Variants in RAPGEF2 observed in about 807,000 individuals in gnomAD.
RAPGEF2 encodes PDZ domain containing guanine nucleotide exchange factor (GEF) 1.
RAPGEF2 carries 54 observed loss-of-function variants against 186.7 expected under a neutral mutation model. The ratio of observed to expected loss-of-function variants is 0.29; its 90% CI spans 0.23 to 0.36. RAPGEF2 has a LOEUF of 0.36. RAPGEF2 is among the 10% of genes least tolerant of loss of function. RAPGEF2 has a pLI of 1.00. For missense variants in RAPGEF2, 1,532 were observed against 2,045.0 expected (o/e 0.75, Z 4.84); for synonymous variants, 712 against 705.9 (o/e 1.01, Z -0.14).
At chr4:159,118,207 T>G (rs1739261911) in intron 1 of RAPGEF2, among the ~76,000 whole-genome samples, 1 of 152,158 alleles carries the variant, frequency 6.6e-6, no homozygotes, top group African/African-American at 2.4e-5. Context: ...CTGCCTGAGC[T>G]CCGCCTCCTG....
chr4:159,208,307 A>G (rs181505336), intron 3 of RAPGEF2, among the ~76,000 whole-genome samples: 328 of 152,368 alleles, frequency 2.2e-3, no homozygotes, highest in African/African-American at 7.6e-3. Context: ...AAACCAAACA[A>G]AACAAGGACT....
At position 159,352,824 on chromosome 4, in the gene RAPGEF2, G is replaced by T. The variant is rs1233103297; in HGVS notation, c.4005G>T (p.Arg1335Ser). ...CACTGCACGATGAGAGGCGCCAGAG[G>T]CATTCTGTCAGCATCGTGGAAACAA... ...PVSLHDERRQ[R>S]HSVSIVETNL... The change falls in exon 27 of 30, where the codon AGG (arginine) becomes AGT (serine). Residue 1335 changes from arginine to serine, a missense_variant. This residue lies in a region of RAPGEF2 where 594 missense variants were observed against 608.5 expected (regional missense o/e 0.98). Coordinates refer to ENST00000691494, the MANE Select transcript of RAPGEF2 (RefSeq NM_001394067.2). 1 of 1,614,192 alleles carries T rather than the reference G, an allele frequency of 6.2e-7. No individual in the cohort carries two copies. The highest frequency in any genetic ancestry group is 8.5e-7 in the Non-Finnish European group (1 of 1,180,022).
At chr4:159,304,530 A>G in intron 8 of RAPGEF2, 57 bp downstream of exon 8, 5 of 1,504,986 alleles carry the variant, frequency 3.3e-6, no homozygotes, top group Non-Finnish European at 4.6e-6. Context: ...AAGAAATTTT[A>G]AGGTTCTCAG....
In RAPGEF2 at chr4:159,104,142, C is replaced by G. The variant is rs920760539; in HGVS notation, c.-21C>G. ...GGCCGGCCAGGGTGCGGAGCGGCCC[C>G]GGCCCGCTCCCAGAGGGGAGATGGC... is the stretch of plus-strand genomic sequence containing the variant. On this transcript the variant is annotated 5_prime_UTR_variant, in exon 1 of 30. Coordinates refer to ENST00000691494, the MANE Select transcript of RAPGEF2 (RefSeq NM_001394067.2). 3 of 1,507,702 alleles carry G rather than the reference C, an allele frequency of 2.0e-6. No homozygotes were observed. The highest frequency in any genetic ancestry group is 2.0e-5 in the Admixed American group (1 of 49,372). 93.4% of individuals were successfully genotyped at this position (1,507,702 alleles called of 1,614,324 possible). A position where few individuals can be genotyped will look rare whatever the true frequency, so the allele number is the denominator to read the frequency against.
intron 1 of RAPGEF2, among the ~76,000 whole-genome samples, chr4:159,108,976 C>G (rs1172274989): frequency 6.6e-6 from 1 of 152,094 alleles, no homozygotes; most frequent in East Asian, 1.9e-4. Context: ...GCTTCAGCCT[C>G]CCAAAGTGCT....
At chr4:159,151,042 T>G (rs1044668149) in intron 1 of RAPGEF2, among the ~76,000 whole-genome samples, 1 of 152,250 alleles carries the variant, frequency 6.6e-6, no homozygotes, top group Non-Finnish European at 1.5e-5. Flanking sequence ...TTTTGCTGAT[T>G]GTGCCCAAAA....
intron 4 of RAPGEF2, chr4:159,228,331 T>C: frequency 6.6e-6 from 1 of 152,218 alleles, no homozygotes; most frequent in Non-Finnish European, 1.5e-5. Context: ...TGTTAGTGGT[T>C]CTTCAAAGAT....
intron 1 of RAPGEF2, chr4:159,128,961 T>TATATAA (rs1306129174): frequency 1.4e-5 from 2 of 146,556 alleles, no homozygotes; most frequent in African/African-American, 5.0e-5. Context: ...TATATATATA[T>TATATAA]AAATCTATTT....
chr4:159,189,122 T>C (rs1371881488), intron 2 of RAPGEF2, among the ~76,000 whole-genome samples: 2 of 152,208 alleles, frequency 1.3e-5, no homozygotes, highest in Non-Finnish European at 2.9e-5. Flanking sequence ...CTGGGAATAA[T>C]AGAGAGCAGT....
chr4:159,305,645 T>C (rs1358274065), intron 8 of RAPGEF2, among the ~76,000 whole-genome samples: 1 of 152,154 alleles, frequency 6.6e-6, no homozygotes, highest in Non-Finnish European at 1.5e-5. Flanking sequence ...ACTCTGTTGA[T>C]TATTTCTTCT....
intron 6 of RAPGEF2, 38 bp downstream of exon 6, chr4:159,241,406 G>T (rs1753972703): frequency 8.0e-7 from 1 of 1,246,484 alleles, no homozygotes; most frequent in South Asian, 3.2e-5. Flanking sequence ...TTTATTTCTA[G>T]TTTTTTGTTG....
At chr4:159,154,505 CT>C (rs5863351) in intron 1 of RAPGEF2, among the ~76,000 whole-genome samples, 134 of 136,572 alleles carry the variant, frequency 9.8e-4, no homozygotes, top group South Asian at 1.1e-3. Context: ...CTCACATCAC[CT>C]TTTTTTTTTT....
At chr4:159,211,077 G>A (rs958775769) in intron 4 of RAPGEF2, among the ~76,000 whole-genome samples, 8 of 152,220 alleles carry the variant, frequency 5.3e-5, no homozygotes, top group Non-Finnish European at 1.0e-4. Flanking sequence ...TACCTGCTCT[G>A]TAAGGCTGTT....
intron 1 of RAPGEF2, among the ~76,000 whole-genome samples, chr4:159,166,304 A>G (rs1745311152): frequency 6.6e-6 from 1 of 151,710 alleles, no homozygotes; most frequent in Non-Finnish European, 1.5e-5. Flanking sequence ...ACAGAGCAAG[A>G]CTCCATCTCA....
intron 3 of RAPGEF2, among the ~76,000 whole-genome samples, chr4:159,195,983 A>G (rs1439325358): frequency 6.8e-6 from 1 of 147,968 alleles, no homozygotes; most frequent in Admixed American, 6.9e-5. Flanking sequence ...GTAATCTTAA[A>G]TTTGAATGCA....
chr4:159,180,239 TCCTTTAATTTG>T (rs369350044), intron 1 of RAPGEF2, among the ~76,000 whole-genome samples: 6 of 152,344 alleles, frequency 3.9e-5, no homozygotes, highest in African/African-American at 1.2e-4. Context: ...GATTGCTTCT[TCCTTTAATTTG>T]CATGTCTTTT....
intron 9 of RAPGEF2, among the ~76,000 whole-genome samples, chr4:159,320,952 A>G (rs1030661335): frequency 6.6e-6 from 1 of 152,046 alleles, no homozygotes; most frequent in Non-Finnish European, 1.5e-5. Flanking sequence ...TTTATTGAGT[A>G]TTTACTCTGT....
intron 23 of RAPGEF2, among the ~76,000 whole-genome samples, chr4:159,344,873 C>T (rs1195631238): frequency 6.6e-6 from 1 of 152,150 alleles, no homozygotes; most frequent in Non-Finnish European, 1.5e-5. Flanking sequence ...GTAGAATTTC[C>T]TAGTTGGAAC....
chr4:159,142,998 T>C (rs1026382055), intron 1 of RAPGEF2, among the ~76,000 whole-genome samples: 1 of 152,184 alleles, frequency 6.6e-6, no homozygotes, highest in Non-Finnish European at 1.5e-5. Context: ...CAAATATAAT[T>C]TGTGAATTGA....
Sources: allele counts gnomAD v4.1 joint callset (sites outside exome capture counted in the v4.1 genomes callset), GRCh38; gene constraint gnomAD v4.1.1; regional missense constraint gnomAD v4.1.1; transcripts MANE v1.5; gene names NCBI Gene and HGNC (gene_info 2026-07-23, HGNC 2026-07-21).